RC3H1: variants seen among roughly 807,000 people sequenced by gnomAD.
RC3H1 encodes the protein roquin-1.
RC3H1 carries 50 observed loss-of-function variants against 138.2 expected under a neutral mutation model. The ratio of observed to expected loss-of-function variants is 0.36; its 90% CI spans 0.29 to 0.46. The LOEUF (loss-of-function observed/expected upper bound fraction) is 0.46. RC3H1 is among the 20% of genes least tolerant of loss of function. RC3H1 has a pLI of 1.00. For missense variants in RC3H1, 1,031 were observed against 1,388.1 expected, an observed-to-expected ratio of 0.74 and a Z score of 4.09; for synonymous variants, 462 against 489.1, an observed-to-expected ratio of 0.94 and a Z score of 0.73.
At chr1:173,943,379 AT>A in intron 18 of RC3H1, 62 bp downstream of exon 18, 33 of 1,485,940 alleles carry the variant, frequency 2.2e-5, no homozygotes, top group Non-Finnish European at 3.0e-5. Context: ...CCTCTAGATA[AT>A]TCTAGAGCCA....
chr1:173,949,252 C>T (rs773055953), intron 14 of RC3H1, among the ~76,000 whole-genome samples: 1 of 151,690 alleles, frequency 6.6e-6, no homozygotes, highest in Non-Finnish European at 1.5e-5. Flanking sequence ...TTCTTAACCA[C>T]CTGGAAAAGT....
At chr1:174,021,263 C>A (rs1301679557) in intron 1 of RC3H1, among the ~76,000 whole-genome samples, 2 of 152,152 alleles carry the variant, frequency 1.3e-5, no homozygotes, top group Non-Finnish European at 2.9e-5. Flanking sequence ...TTTGTCTCCG[C>A]GTTGCCAGTG....
In RC3H1 at chr1:173,938,403, CT is replaced by C. The variant is rs201907495; in HGVS notation, c.*317del. On this transcript the variant is annotated 3_prime_UTR_variant, in exon 20 of 20. Transcript: ENST00000367696. ...ATCAAACAGAGTGTATATATAATAT[CT>C]TTTTTTTTTAAAGCCCTGGATCCAA... The C allele has an allele frequency of 4.0e-3, 684 of 173,092 alleles. No homozygotes were observed. Among genetic ancestry groups the C allele is most frequent in the Middle Eastern group, 8.0e-3 (3 of 376 alleles). 10.7% of individuals were successfully genotyped at this position (173,092 alleles called of 1,614,324 possible).
intron 8 of RC3H1, among the ~76,000 whole-genome samples, chr1:173,972,120 C>G (rs1385875012): frequency 6.6e-6 from 1 of 151,956 alleles, no homozygotes; most frequent in Non-Finnish European, 1.5e-5. Context: ...TGGAAAGACA[C>G]AGTATTAGCA....
At chr1:173,961,655 A>AT (rs879662529) in intron 12 of RC3H1, 70 bp downstream of exon 12, 11 of 1,411,056 alleles carry the variant, frequency 7.8e-6, no homozygotes, top group Non-Finnish European at 1.1e-5. Context: ...TTGTCATTGC[A>AT]TAAAAAGTAA....
At chr1:173,956,055 T>C (rs376944135) in intron 13 of RC3H1, among the ~76,000 whole-genome samples, 2 of 142,928 alleles carry the variant, frequency 1.4e-5, no homozygotes, top group East Asian at 4.1e-4. Context: ...CACTTGAACC[T>C]GGGAGGTGGA....
rs1661557630 is a variant in RC3H1, at chr1:174,001,081, G to GA, written c.-150-7947dup. 2.0e-5 allele frequency among the ~76,000 whole-genome samples: 3 copies of GA among 152,250 alleles called. 1 individual carries two copies. In the South Asian group the frequency reaches 6.2e-4, roughly 32 times the overall value. The stretch of plus-strand genomic sequence containing the variant: ...AAGAGAAGGGCTTCTGAGTTAGAGG[G>GA]AAAAAATAGCTTGAAAAATAGAACT... On this transcript the variant is annotated intron_variant, in intron 1 of 19. Coordinates refer to ENST00000367696, the MANE Select transcript of RC3H1 (RefSeq NM_172071.4).
intron 19 of RC3H1, 38 bp downstream of exon 19, chr1:173,941,227 G>T: frequency 8.3e-7 from 1 of 1,201,518 alleles, no homozygotes; most frequent in Non-Finnish European, 1.2e-6. Context: ...TCTTTTGTGT[G>T]TAATTTAATA....
chr1:173,934,916 A>C lies in RC3H1; in HGVS notation c.*3805T>G, dbSNP rs966854400. The C allele has an allele frequency of 1.1e-4, 17 of 152,210 alleles. No individual in the cohort carries two copies. The highest frequency in any genetic ancestry group is 4.1e-4 in the African/African-American group (17 of 41,450). The allele number at this position is 152,210 out of a possible 1,614,324, so 9.4% of individuals were successfully genotyped here. A position where few individuals can be genotyped will look rare whatever the true frequency, so the allele number is the denominator to read the frequency against. ...ATGGAGTTATATACTCAAAGTAGCA[A>C]ATGAGAATCATACCAATATTCTTTT... On this transcript the variant is annotated 3_prime_UTR_variant, in exon 20 of 20. Coordinates refer to ENST00000367696, the MANE Select transcript of RC3H1 (RefSeq NM_172071.4).
chr1:173,940,196 G>C (rs1658786629), intron 19 of RC3H1, among the ~76,000 whole-genome samples: 2 of 152,166 alleles, frequency 1.3e-5, no homozygotes, highest in African/African-American at 4.8e-5. Flanking sequence ...AAAGAGCCGG[G>C]TGCGGTGGCT....
rs772875245 is a variant in RC3H1, at chr1:173,943,446, C to T, written c.3131G>A (p.Ser1044Asn). 3.7e-6 allele frequency: 6 copies of T among 1,612,048 alleles called. No homozygotes were observed. The highest frequency in any genetic ancestry group is 4.2e-6 in the Non-Finnish European group (5 of 1,178,934). The change falls in exon 18 of 20, where the codon AGT (serine) becomes AAT (asparagine). Residue 1044 changes from serine to asparagine, a missense_variant. By Grantham distance (46) the Ser-to-Asn change is conservative. Around this residue, in one of 7 missense-constraint regions of RC3H1, gnomAD observed 716 missense variants for 837.9 expected, o/e 0.85. Coordinates refer to ENST00000367696, the MANE Select transcript of RC3H1 (RefSeq NM_172071.4). ...REIGKRTRELSMENQCSLDMK... is the reference protein window; with the variant it reads ...REIGKRTRELNMENQCSLDMK... ...TTTCCCCACCATAACACTCACCATA[C>T]TCAGTTCCCGTGTTCTCTTCCCGAT...
chr1:173,984,799 C>A (rs1208524822), intron 2 of RC3H1, among the ~76,000 whole-genome samples, 180 bp from the exon 3 acceptor site: 1 of 152,156 alleles, frequency 6.6e-6, no homozygotes, highest in Non-Finnish European at 1.5e-5. Flanking sequence ...TTTTGTTTCT[C>A]TAACAGCCTA....
chr1:173,943,597 C>A lies in RC3H1; in HGVS notation c.2980G>T (p.Val994Leu). ...AGGGTGTTTGCCTCCCTCTGCAACA[C>A]CAGCCTGTTACTAACAGCCTAGTGC... ...RGLEAVSNRL[V>L]LQREANTLAG... Residue 994 changes from valine (V) to leucine (L), a missense_variant, in exon 18 of 20, where the codon GTG becomes TTG. Coordinates refer to ENST00000367696, the MANE Select transcript of RC3H1 (RefSeq NM_172071.4). 6.2e-7 allele frequency: 1 copy of A among 1,613,150 alleles called. No homozygotes were observed. Among genetic ancestry groups the A allele is most frequent in the Non-Finnish European group, 8.5e-7 (1 of 1,179,578 alleles).
intron 1 of RC3H1, among the ~76,000 whole-genome samples, chr1:174,003,862 CGT>C (rs1244156341): frequency 1.3e-5 from 2 of 151,498 alleles, no homozygotes; most frequent in Admixed American, 1.3e-4. Context: ...GGGGTTTCAC[CGT>C]GTTAGCCAGG....
At chr1:174,016,539 T>A (rs1039423968) in intron 1 of RC3H1, among the ~76,000 whole-genome samples, 1 of 150,860 alleles carries the variant, frequency 6.6e-6, no homozygotes. Context: ...GATTACAGGC[T>A]TGAGCCACTG....
rs1444069331 is a variant in RC3H1 at position 173,964,143 on chromosome 1, G to A, written c.1661C>T (p.Pro554Leu). 2 of 1,613,808 alleles carry A rather than the reference G, an allele frequency of 1.2e-6. No homozygotes were observed. Among genetic ancestry groups the A allele is most frequent in the African/African-American group, 1.3e-5 (1 of 74,842 alleles). ...PKSISALPVN[P>L]HSIPPRGPAD... ...TGGCCCCCTTGGAGGTATAGAATGT[G>A]GATTCACAGGTAAGGCAGAAATACT... Residue 554 changes from proline to leucine, a missense_variant, in exon 11 of 20, where the codon CCA becomes CTA. By Grantham distance (98) the Pro-to-Leu change is moderately conservative (BLOSUM62 -3). Coordinates refer to ENST00000367696, the MANE Select transcript of RC3H1 (RefSeq NM_172071.4).
intron 1 of RC3H1, among the ~76,000 whole-genome samples, chr1:174,006,596 C>G (rs1157402525): frequency 6.6e-6 from 1 of 152,126 alleles, no homozygotes; most frequent in Non-Finnish European, 1.5e-5. Flanking sequence ...TTTTATTATA[C>G]TTTTTAATAA....
intron 5 of RC3H1, 96 bp downstream of exon 5, chr1:173,982,631 G>T: frequency 9.1e-7 from 1 of 1,099,820 alleles, no homozygotes; most frequent in Non-Finnish European, 1.3e-6. Flanking sequence ...TTTCTGAAAA[G>T]ATACAGGCAA....
At chr1:173,974,819 T>C (rs1204920926) in intron 7 of RC3H1, among the ~76,000 whole-genome samples, 3 of 152,150 alleles carry the variant, frequency 2.0e-5, no homozygotes. Context: ...TCCGGCTCTT[T>C]TGTTAAAATC....
Sources: gnomAD v4.1 joint callset for allele counts (sites outside exome capture counted in the v4.1 genomes callset) on GRCh38, gnomAD v4.1.1 for gene constraint, gnomAD v4.1.1 regional missense constraint, MANE v1.5 for transcripts, NCBI Gene and HGNC (gene_info 2026-07-23, HGNC 2026-07-21) for gene names.